The following ROBO2 variants were observed in gnomAD, a reference collection of about 807,000 sequenced individuals.
ROBO2 encodes the protein roundabout homolog 2.
In ROBO2, 53 loss-of-function variants were observed where a neutral mutation model predicts 160.8. The ratio of observed to expected loss-of-function variants is 0.33; its 90% confidence interval spans 0.26 to 0.41. The LOEUF (loss-of-function observed/expected upper bound fraction) is 0.41, where lower values mean the gene tolerates loss of function less well. Ranked by LOEUF, ROBO2 falls within the 10% of genes least tolerant of loss-of-function variation. The probability of loss-of-function intolerance (pLI) is 1.00; values close to 1 mark genes in which losing one functional copy is unlikely to be tolerated. For synonymous variants in ROBO2, 664 were observed against 611.7 expected, an observed-to-expected ratio of 1.09 and a Z score of -1.26; for missense variants, 1,577 against 1,722.4, an observed-to-expected ratio of 0.92 and a Z score of 1.49.
chr3:76,679,122 A>G (rs974346788), intron 2 of ROBO2, among the ~76,000 whole-genome samples: 2 of 152,148 alleles, frequency 1.3e-5, no homozygotes, highest in Non-Finnish European at 1.5e-5. Context: ...GTGACTTCAA[A>G]AATTTTGGCT....
At chr3:77,184,194 C>T (rs772766025) in intron 2 of ROBO2, among the ~76,000 whole-genome samples, 2 of 151,986 alleles carry the variant, frequency 1.3e-5, no homozygotes, top group Non-Finnish European at 2.9e-5. Flanking sequence ...AAAGTGTATG[C>T]GTTTTCTCCT....
Position 76,560,933 on chromosome 3 carries a change from GATATATATATATATAT to G in ROBO2, c.110-537058_110-537043del, listed in dbSNP as rs10581875. 1.6e-3 allele frequency among the ~76,000 whole-genome samples: 203 copies of G among 128,156 alleles called. 3 individuals carry two copies. The highest frequency in any genetic ancestry group is 3.4e-3 in the Admixed American group (43 of 12,612). 84.1% of individuals were successfully genotyped at this position (128,156 alleles called of 152,430 possible). A position where few individuals can be genotyped will look rare whatever the true frequency, so the allele number is the denominator to read the frequency against. ...TCCCTCCTTTATATATAAGAAGTAA[GATATATATATATATAT>G]ATATATATATATATATATATATGAG... On this transcript the variant is annotated intron_variant, in intron 2 of 26. Coordinates refer to the ROBO2 transcript ENST00000487694.
At position 76,467,777 on chromosome 3, in the gene ROBO2, GGATA is replaced by G. The variant is rs554518651; in HGVS notation, c.109+530180_109+530183del. Reference sequence around the variant, plus strand: ...AAATTATAGTATTCCAACTCGTAGTGGATAGATAATTTGTGGTATAAATTAATAT... The same window carrying G: ...AAATTATAGTATTCCAACTCGTAGTGGATAATTTGTGGTATAAATTAATAT... On this transcript the variant is annotated intron_variant, in intron 2 of 26. Coordinates refer to the ROBO2 transcript ENST00000487694. 5.9e-5 allele frequency among the ~76,000 whole-genome samples: 9 copies of G among 152,134 alleles called. No homozygotes were observed. In the East Asian group the frequency reaches 1.5e-3, roughly 26 times the overall value.
intron 2 of ROBO2, among the ~76,000 whole-genome samples, chr3:76,256,344 T>C (rs879590355): frequency 1.2e-5 from 1 of 81,070 alleles, no homozygotes; most frequent in Non-Finnish European, 2.4e-5. Flanking sequence ...TCTCTCTCTC[T>C]CTCTCTCTCA....
intron 2 of ROBO2, among the ~76,000 whole-genome samples, chr3:76,971,061 T>C (rs865910135): frequency 1.2e-4 from 18 of 152,196 alleles, no homozygotes; most frequent in African/African-American, 4.3e-4. Context: ...CATTACACTA[T>C]GAAGTTCTTC....
At chr3:76,927,966 A>G (rs773303732) in intron 2 of ROBO2, among the ~76,000 whole-genome samples, 3 of 152,218 alleles carry the variant, frequency 2.0e-5, no homozygotes, top group Non-Finnish European at 4.4e-5. Context: ...TCCAAGAGCA[A>G]TTCATATTTT....
intron 2 of ROBO2, among the ~76,000 whole-genome samples, chr3:76,403,453 C>T (rs1418665952): frequency 6.6e-6 from 1 of 151,552 alleles, no homozygotes; most frequent in African/African-American, 2.4e-5. Flanking sequence ...ACAATAAAGA[C>T]AGGTTGTTAG....
At chr3:76,689,746 T>A (rs2107185119) in intron 2 of ROBO2, among the ~76,000 whole-genome samples, 1 of 152,286 alleles carries the variant, frequency 6.6e-6, no homozygotes, top group Admixed American at 6.5e-5. Context: ...GCATTTCTCC[T>A]TTTCTCCACC....
chr3:76,419,694 A>T (rs190929699), intron 2 of ROBO2, among the ~76,000 whole-genome samples: 1 of 152,154 alleles, frequency 6.6e-6, no homozygotes, highest in Non-Finnish European at 1.5e-5. Flanking sequence ...GGTAGGAAAC[A>T]TGATGTTCTT....
At chr3:77,528,761 T>G (rs775715) in intron 6 of ROBO2, among the ~76,000 whole-genome samples, 116,942 of 151,400 alleles carry the variant, frequency 0.77, 45,581 homozygotes, top group African/African-American at 0.86. Flanking sequence ...CAATATTTTT[T>G]AAATAAAGCT....
chr3:76,708,083 T>A (rs1377407995), intron 2 of ROBO2, among the ~76,000 whole-genome samples: 1 of 152,136 alleles, frequency 6.6e-6, no homozygotes, highest in Non-Finnish European at 1.5e-5. Context: ...CAAAAGCACA[T>A]AGCTCTAGGG....
intron 2 of ROBO2, among the ~76,000 whole-genome samples, chr3:76,437,689 T>C (rs765674679): frequency 1.7e-4 from 26 of 152,150 alleles, no homozygotes; most frequent in Non-Finnish European, 2.8e-4. Flanking sequence ...GACTGTACAA[T>C]GTTTTTCACT....
chr3:77,524,578 T>C (rs903627488), intron 6 of ROBO2, among the ~76,000 whole-genome samples: 1 of 151,432 alleles, frequency 6.6e-6, no homozygotes, highest in Admixed American at 6.6e-5. Context: ...TGTTTGTTTG[T>C]AGAAGCAGCA....
At chr3:77,429,292 C>T (rs1022164676) in intron 2 of ROBO2, among the ~76,000 whole-genome samples, 14 of 152,148 alleles carry the variant, frequency 9.2e-5, no homozygotes, top group African/African-American at 3.1e-4. Context: ...ATTACCATCC[C>T]ATAAGTGCAC....
At chr3:76,644,723 A>C (rs1203870091) in intron 2 of ROBO2, among the ~76,000 whole-genome samples, 2 of 152,180 alleles carry the variant, frequency 1.3e-5, no homozygotes, top group Non-Finnish European at 2.9e-5. Flanking sequence ...TCAAGAGCTG[A>C]CATTGTTTTG....
chr3:76,469,042 G>A (rs1225258909), intron 2 of ROBO2, among the ~76,000 whole-genome samples: 1 of 152,044 alleles, frequency 6.6e-6, no homozygotes, highest in Non-Finnish European at 1.5e-5. Context: ...GAATGTACCT[G>A]AAGCCCAGCA....
At chr3:76,102,927 C>A (rs1372070951) in intron 2 of ROBO2, among the ~76,000 whole-genome samples, 1 of 151,906 alleles carries the variant, frequency 6.6e-6, no homozygotes, top group Non-Finnish European at 1.5e-5. Flanking sequence ...CGGGTTCACG[C>A]CGTTCTCCTG....
intron 2 of ROBO2, among the ~76,000 whole-genome samples, chr3:76,988,702 T>TACTGAAA (rs2060513712): frequency 6.6e-6 from 1 of 152,160 alleles, no homozygotes; most frequent in Non-Finnish European, 1.5e-5. Flanking sequence ...TTTCTTTGTT[T>TACTGAAA]CAGTAGAACT....
chr3:76,660,427 C>A (rs1350876250), intron 2 of ROBO2, among the ~76,000 whole-genome samples: 1 of 152,120 alleles, frequency 6.6e-6, no homozygotes. Context: ...GGACTGAAGA[C>A]CACAAATCAG....
Sources: gnomAD v4.1 joint callset for allele counts (sites outside exome capture counted in the v4.1 genomes callset) on GRCh38, gnomAD v4.1.1 for gene constraint, MANE v1.5 for transcripts, NCBI Gene and HGNC (gene_info 2026-07-23, HGNC 2026-07-21) for gene names.